Variants in RGS9 observed in about 807,000 individuals in gnomAD.
RGS9 encodes the protein regulator of G protein signaling 9.
In RGS9, 78 loss-of-function variants were observed where a neutral mutation model predicts 102.0. The observed-to-expected ratio is 0.76, with a 90% CI of 0.64 to 0.92. RGS9 has a LOEUF of 0.92. Ranked by LOEUF, RGS9 falls within the 40% of genes least tolerant of loss-of-function variation. The pLI is 0.00. For missense variants in RGS9, 833 were observed against 866.1 expected, an observed-to-expected ratio of 0.96 and a Z score of 0.48; for synonymous variants, 353 against 318.6, an observed-to-expected ratio of 1.11 and a Z score of -1.15.
chr17:65,206,194 T>C (rs1169799950), intron 15 of RGS9, among the ~76,000 whole-genome samples: 1 of 152,188 alleles, frequency 6.6e-6, no homozygotes, highest in African/African-American at 2.4e-5. Context: ...TACTTTGTTT[T>C]TAAAGCATGT....
chr17:65,194,778 T>G (rs1598605717), intron 12 of RGS9, among the ~76,000 whole-genome samples: 3 of 148,624 alleles, frequency 2.0e-5, no homozygotes, highest in South Asian at 2.2e-4. Flanking sequence ...GTGAGGGAGG[T>G]GGGGTGATGG....
rs149217069 is a variant in RGS9 at position 65,222,963 on chromosome 17, C to T, written c.1408-2039C>T. 1.2e-3 allele frequency among the ~76,000 whole-genome samples: 179 copies of T among 152,272 alleles called. 1 individual carries two copies. Among genetic ancestry groups the T allele is most frequent in the African/African-American group, 4.3e-3 (177 of 41,544 alleles). ...AGCGATGACTGCGCCGACTCCGAGT[C>T]AGCCAGTTGGGTTTCAAAGTCTGAG... On this transcript the variant is annotated intron_variant, in intron 17 of 18. Transcript: ENST00000262406.
chr17:65,155,844 TTGTC>T (rs1910747406), intron 2 of RGS9, among the ~76,000 whole-genome samples: 1 of 152,294 alleles, frequency 6.6e-6, no homozygotes, highest in East Asian at 1.9e-4. Flanking sequence ...TTCCCACACA[TTGTC>T]TGTTAACACT....
intron 14 of RGS9, among the ~76,000 whole-genome samples, chr17:65,203,135 G>A (rs567675338): frequency 2.0e-5 from 3 of 152,156 alleles, no homozygotes; most frequent in Non-Finnish European, 2.9e-5. Context: ...GCAACACCCC[G>A]GTTTCCAGAG....
At position 65,183,546 on chromosome 17, in the gene RGS9, C is replaced by T. The variant is rs551622003; in HGVS notation, c.655-5740C>T. Among the ~76,000 whole-genome samples the T allele has an allele frequency of 3.9e-5, 6 of 152,318 alleles. No homozygotes were observed. The East Asian group carries it at 9.6e-4, about 24-fold the overall frequency. On this transcript the variant is annotated intron_variant, in intron 9 of 18. Coordinates refer to ENST00000262406, the MANE Select transcript of RGS9 (RefSeq NM_003835.4). ...TCCTGGGCTCAAGCGATCCACCTGC[C>T]TTGGCCTCCCAGGGTGCTGGGATTA... is the stretch of plus-strand genomic sequence containing the variant.
intron 11 of RGS9, among the ~76,000 whole-genome samples, chr17:65,193,023 G>A (rs1051722257): frequency 2.0e-5 from 3 of 151,880 alleles, no homozygotes; most frequent in African/African-American, 4.8e-5. Context: ...CCAGCACTTC[G>A]GGAGACTGAG....
At chr17:65,172,910 TTTTCTTTC>T (rs529602514) in intron 8 of RGS9, among the ~76,000 whole-genome samples, 4 of 151,616 alleles carry the variant, frequency 2.6e-5, no homozygotes, top group Non-Finnish European at 5.9e-5. Context: ...TCTATTTCTT[TTTTCTTTC>T]TTTCTTTCTT....
chr17:65,215,477 TATCTTTCTTTCG>T (rs757763452), intron 17 of RGS9, among the ~76,000 whole-genome samples: 2,445 of 126,738 alleles, frequency 0.019, 39 homozygotes, highest in Middle Eastern at 0.035. Flanking sequence ...TTTCTTTCTC[TATCTTTCTTTCG>T]TTCTTTCGTT....
At chr17:65,146,712 T>C (rs1285786476) in intron 1 of RGS9, among the ~76,000 whole-genome samples, 1 of 151,136 alleles carries the variant, frequency 6.6e-6, no homozygotes, top group Non-Finnish European at 1.5e-5. Context: ...CTGGACAACA[T>C]GGTGAAACCT....
intron 8 of RGS9, among the ~76,000 whole-genome samples, chr17:65,169,228 C>T (rs913315910): frequency 1.3e-5 from 2 of 152,158 alleles, no homozygotes; most frequent in Admixed American, 6.5e-5. Flanking sequence ...AACAGATTCT[C>T]CTAAGGTGTT....
chr17:65,141,002 A>T (rs944310006), intron 1 of RGS9, among the ~76,000 whole-genome samples: 7 of 152,174 alleles, frequency 4.6e-5, no homozygotes, highest in Non-Finnish European at 1.0e-4. Flanking sequence ...ACCTCTTGAG[A>T]AATGACAACT....
chr17:65,146,617 G>A (rs1598556631), intron 1 of RGS9, among the ~76,000 whole-genome samples: 1 of 149,862 alleles, frequency 6.7e-6, no homozygotes, highest in Non-Finnish European at 1.5e-5. Context: ...AATCTTGGCC[G>A]GGCACGGTGG....
intron 9 of RGS9, among the ~76,000 whole-genome samples, chr17:65,179,674 TGTG>T (rs1567875042): frequency 1.3e-5 from 2 of 148,474 alleles, no homozygotes; most frequent in Non-Finnish European, 3.0e-5. Flanking sequence ...TGTGTGTGTG[TGTG>T]TGTGTTGGGG....
intron 17 of RGS9, among the ~76,000 whole-genome samples, chr17:65,220,299 C>G (rs1038298876): frequency 1.3e-4 from 20 of 152,198 alleles, no homozygotes; most frequent in African/African-American, 4.8e-4. Flanking sequence ...TCCTCCAGCT[C>G]TCCAGAGAAC....
intron 7 of RGS9, 132 bp from the exon 8 acceptor site, chr17:65,168,068 C>T: frequency 1.5e-6 from 1 of 679,484 alleles, no homozygotes; most frequent in Non-Finnish European, 2.7e-6. Flanking sequence ...TTGCTGTGTT[C>T]ATTACTATTA....
At chr17:65,202,148 G>C in intron 14 of RGS9, 68 bp downstream of exon 14, 1 of 1,072,942 alleles carries the variant, frequency 9.3e-7, no homozygotes. Flanking sequence ...TTGTGCTTGA[G>C]GTGAAGATAG....
chr17:65,212,847 AC>A, intron 17 of RGS9, among the ~76,000 whole-genome samples: 1 of 152,118 alleles, frequency 6.6e-6, no homozygotes, highest in East Asian at 1.9e-4. Context: ...AGAAATGTAA[AC>A]CATTGTAAAC....
chr17:65,221,360 T>C (rs984102353), intron 17 of RGS9, among the ~76,000 whole-genome samples: 2 of 152,174 alleles, frequency 1.3e-5, no homozygotes, highest in Non-Finnish European at 2.9e-5. Context: ...TTGTCTTATC[T>C]GTATAGTGGG....
In RGS9 at chr17:65,193,609, C is replaced by A. The variant is rs1260636187; in HGVS notation, c.813C>A (p.Asn271Lys). ...DAIMSGCLPS[N>K]PWITDDTQFW... ...TCATGTCAGGCTGCCTCCCCAGCAA[C>A]CCCTGGATCACCGATGACACCCAGT... The change falls in exon 12 of 19, where the codon AAC (asparagine) becomes AAA (lysine). Residue 271 changes from asparagine to lysine, a missense_variant. By Grantham distance (94) the Asn-to-Lys change is moderately conservative. Coordinates refer to ENST00000262406, the MANE Select transcript of RGS9 (RefSeq NM_003835.4). The A allele has an allele frequency of 6.2e-7, 1 of 1,613,766 alleles. No individual in the cohort carries two copies. The highest frequency in any genetic ancestry group is 8.5e-7 in the Non-Finnish European group (1 of 1,179,766).
Sources: allele counts gnomAD v4.1 joint callset (sites outside exome capture counted in the v4.1 genomes callset), GRCh38; gene constraint gnomAD v4.1.1; transcripts MANE v1.5; gene names NCBI Gene and HGNC (gene_info 2026-07-23, HGNC 2026-07-21).